LY9: variants seen among roughly 807,000 people sequenced by gnomAD.
LY9 encodes the protein T-lymphocyte surface antigen Ly-9.
Under a neutral mutation model 64.6 loss-of-function variants are expected in LY9, and 59 were observed. The ratio of observed to expected loss-of-function variants is 0.91; its 90% CI spans 0.74 to 1.13. The LOEUF (loss-of-function observed/expected upper bound fraction) is 1.13, where lower values mean the gene tolerates loss of function less well. Among genes scored for constraint, LY9 ranks in the 50% most tolerant of loss-of-function variants. LY9 has a pLI of 0.00. For synonymous variants in LY9, 281 were observed against 308.5 expected, an observed-to-expected ratio of 0.91 and a Z score of 0.93; for missense variants, 789 against 797.2, an observed-to-expected ratio of 0.99 and a Z score of 0.12.
At chr1:160,808,362 G>A (rs935459485) in intron 2 of LY9, among the ~76,000 whole-genome samples, 1 of 152,192 alleles carries the variant, frequency 6.6e-6, no homozygotes, top group Non-Finnish European at 1.5e-5. Context: ...CCAGGACAGC[G>A]TGCATTCTGC....
intron 8 of LY9, 22 bp from the exon 9 acceptor site, chr1:160,824,159 A>G: frequency 6.2e-7 from 1 of 1,614,018 alleles, no homozygotes. Flanking sequence ...ACTAGGGCTC[A>G]TCTGCTGTTG....
chr1:160,812,704 T>A (rs1667604451), intron 2 of LY9: 1 of 152,166 alleles, frequency 6.6e-6, no homozygotes, highest in South Asian at 2.1e-4. Flanking sequence ...GGAGATGAAA[T>A]AAATGGCTGG....
At chr1:160,825,600 T>G (rs1384509737) in intron 9 of LY9, among the ~76,000 whole-genome samples, 1 of 152,144 alleles carries the variant, frequency 6.6e-6, no homozygotes, top group African/African-American at 2.4e-5. Flanking sequence ...TATAACATAT[T>G]CAAAAAAATA....
chr1:160,800,075 C>G lies in LY9; in HGVS notation c.447C>G (p.Phe149Leu). The part of the protein sequence containing the change: ...EVTTEEEFTL[F>L]VYEQLQEPQV... The stretch of plus-strand genomic sequence containing the variant: ...CCACTGAGGAGGAATTCACCCTGTT[C>G]GTCTATGGTGAGTTCCAGAGAGCTT... Residue 149 changes from phenylalanine to leucine, a missense_variant, in exon 2 of 10, where the codon TTC (phenylalanine) becomes TTG (leucine). Coordinates refer to ENST00000263285, the MANE Select transcript of LY9 (RefSeq NM_002348.4). 2.5e-6 allele frequency: 4 copies of G among 1,611,254 alleles called. No homozygotes were observed. Among genetic ancestry groups the G allele is most frequent in the Non-Finnish European group, 3.4e-6 (4 of 1,177,856 alleles).
intron 7 of LY9, among the ~76,000 whole-genome samples, chr1:160,821,140 T>C (rs1264012413): frequency 3.0e-5 from 2 of 66,608 alleles, no homozygotes; most frequent in Admixed American, 3.2e-4. Context: ...GCAAAAAAAG[T>C]GAAACTTTGC....
At chr1:160,822,483 G>T (rs1217224145) in intron 7 of LY9, among the ~76,000 whole-genome samples, 1 of 152,146 alleles carries the variant, frequency 6.6e-6, no homozygotes, top group Non-Finnish European at 1.5e-5. Flanking sequence ...AGATGGAGCC[G>T]CCATTTTGAA....
At chr1:160,802,110 C>T in intron 2 of LY9, 2 of 1,375,990 alleles carry the variant, frequency 1.5e-6, no homozygotes, top group Non-Finnish European at 1.9e-6. Flanking sequence ...ACACCGGAGC[C>T]GCCAACTTGG....
chr1:160,814,119 A>G lies in LY9; in HGVS notation c.730+208A>G, dbSNP rs548021667. Reference sequence around the variant, plus strand: ...GAACACTGTGATACTCTAAGGTTAGAGCAAGGGAGGAGAAGACAATATGGA... The same window carrying G: ...GAACACTGTGATACTCTAAGGTTAGGGCAAGGGAGGAGAAGACAATATGGA... On this transcript the variant is annotated intron_variant, in intron 3 of 9. Transcript: ENST00000263285. Among the ~76,000 whole-genome samples the G allele has an allele frequency of 2.0e-5, 3 of 152,336 alleles. No individual in the cohort carries two copies. The East Asian group carries it at 5.8e-4, about 29-fold the overall frequency.
intron 1 of LY9, chr1:160,797,168 A>G: frequency 2.0e-6 from 2 of 985,520 alleles, no homozygotes; most frequent in Non-Finnish European, 2.4e-6. Flanking sequence ...TGTCCAGCAG[A>G]TAGAGCCAAT....
At chr1:160,801,997 C>T in intron 2 of LY9, 1 of 1,549,884 alleles carries the variant, frequency 6.5e-7, no homozygotes, top group South Asian at 1.2e-5. Context: ...AAGGGTCCTG[C>T]CGATGGGACC....
chr1:160,826,043 C>G lies in LY9; in HGVS notation c.1900-1705C>G, dbSNP rs554413869. ...CCAGAACTTAACTACTAACAGCCTA[C>G]TGTTGACCAGAAGCCTTACCAAAAA... On this transcript the variant is annotated intron_variant, in intron 9 of 9. Coordinates refer to ENST00000263285, the MANE Select transcript of LY9 (RefSeq NM_002348.4). Among the ~76,000 whole-genome samples the G allele has an allele frequency of 4.6e-5, 7 of 152,304 alleles. No individual in the cohort carries two copies. The South Asian group carries it at 1.2e-3, about 27-fold the overall frequency.
intron 5 of LY9, among the ~76,000 whole-genome samples, chr1:160,817,964 C>T (rs544315729): frequency 4.6e-5 from 7 of 152,282 alleles, no homozygotes; most frequent in African/African-American, 1.7e-4. Context: ...TCAGGTCAGA[C>T]ACTTGAAACA....
chr1:160,806,575 A>G (rs182137336), intron 2 of LY9, among the ~76,000 whole-genome samples: 28 of 152,300 alleles, frequency 1.8e-4, no homozygotes, highest in African/African-American at 6.3e-4. Context: ...TCTGGCCTGC[A>G]AAGTTTCTGC....
chr1:160,797,898 G>A (rs186541798), intron 1 of LY9, among the ~76,000 whole-genome samples: 2 of 151,676 alleles, frequency 1.3e-5, no homozygotes, highest in African/African-American at 2.4e-5. Flanking sequence ...CACGTATAGT[G>A]GCACATAGTT....
chr1:160,820,746 G>A (rs1668357829), intron 7 of LY9, among the ~76,000 whole-genome samples: 1 of 151,730 alleles, frequency 6.6e-6, no homozygotes, highest in Non-Finnish European at 1.5e-5. Context: ...GAACCTCCAA[G>A]GCCTGCTTCT....
chr1:160,822,618 C>T (rs1668556788), intron 7 of LY9, among the ~76,000 whole-genome samples: 2 of 152,310 alleles, frequency 1.3e-5, no homozygotes, highest in East Asian at 3.9e-4. Flanking sequence ...CAAGGACTCC[C>T]ATATCCTTAC....
chr1:160,820,981 C>T (rs1381166291), intron 7 of LY9, among the ~76,000 whole-genome samples: 6 of 150,986 alleles, frequency 4.0e-5, no homozygotes, highest in Non-Finnish European at 8.8e-5. Context: ...GGTGAAACCC[C>T]GTCTCTACCA....
At chr1:160,810,380 G>C (rs1667373532) in intron 2 of LY9, 1 of 152,136 alleles carries the variant, frequency 6.6e-6, no homozygotes, top group South Asian at 2.1e-4. Flanking sequence ...GGTTTTTCCT[G>C]GGACCTCTCT....
chr1:160,812,553 AT>A (rs1265781819), intron 2 of LY9: 1 of 152,202 alleles, frequency 6.6e-6, no homozygotes, highest in African/African-American at 2.4e-5. Flanking sequence ...ACGTACAATA[AT>A]TTCCAAGATA....
Sources: gnomAD v4.1 joint callset for allele counts (sites outside exome capture counted in the v4.1 genomes callset) on GRCh38, gnomAD v4.1.1 for gene constraint, MANE v1.5 for transcripts, NCBI Gene and HGNC (gene_info 2026-07-23, HGNC 2026-07-21) for gene names.